CIB4: variants seen among roughly 807,000 people sequenced by gnomAD.
The protein encoded by CIB4 is calcium and integrin binding family member 4.
A neutral mutation model predicts 25.8 loss-of-function variants in CIB4; 25 were observed. The observed-to-expected ratio is 0.97, with a 90% CI of 0.71 to 1.35. The LOEUF is 1.35. CIB4 is among the 40% of genes most tolerant of loss of function. The pLI, the probability that CIB4 is intolerant of heterozygous loss-of-function variation, is 0.00. For missense variants in CIB4, 235 were observed against 228.2 expected (o/e 1.03, Z -0.19); for synonymous variants, 75 against 81.4 (o/e 0.92, Z 0.42).
At chr2:26,624,863 A>G (rs1669270320) in intron 3 of CIB4, among the ~76,000 whole-genome samples, 1 of 151,682 alleles carries the variant, frequency 6.6e-6, no homozygotes, top group Non-Finnish European at 1.5e-5. Flanking sequence ...TATTTTTTTT[A>G]TATAGGCATT....
chr2:26,636,562 T>C (rs2148228450), intron 2 of CIB4, among the ~76,000 whole-genome samples: 1 of 152,278 alleles, frequency 6.6e-6, no homozygotes, highest in Middle Eastern at 3.4e-3. Context: ...CTATCTTCCT[T>C]GTAATTCGTT....
intron 2 of CIB4, among the ~76,000 whole-genome samples, chr2:26,633,674 C>T (rs1043661820): frequency 1.3e-5 from 2 of 152,208 alleles, no homozygotes; most frequent in African/African-American, 4.8e-5. Context: ...AAATGGAACC[C>T]TGAATTAATC....
At chr2:26,620,345 A>G (rs1669181932) in intron 3 of CIB4, among the ~76,000 whole-genome samples, 1 of 152,240 alleles carries the variant, frequency 6.6e-6, no homozygotes, top group Admixed American at 6.5e-5. Flanking sequence ...GCAAGTGTTT[A>G]AAGCAGTTGG....
At chr2:26,611,122 C>G (rs182089104) in intron 3 of CIB4, among the ~76,000 whole-genome samples, 1 of 152,326 alleles carries the variant, frequency 6.6e-6, no homozygotes, top group East Asian at 1.9e-4. Context: ...GTGATGAGAA[C>G]TTCTGCATCT....
chr2:26,597,763 C>T (rs747271551), intron 3 of CIB4, among the ~76,000 whole-genome samples: 15 of 151,308 alleles, frequency 9.9e-5, no homozygotes, highest in African/African-American at 2.9e-4. Context: ...CATATTATTG[C>T]GGGGGATTTG....
At chr2:26,632,268 G>C (rs570723888) in intron 2 of CIB4, among the ~76,000 whole-genome samples, 1 of 152,166 alleles carries the variant, frequency 6.6e-6, no homozygotes, top group Admixed American at 6.5e-5. Context: ...CATGACTGCC[G>C]CCTTGGCCAC....
At chr2:26,601,258 A>G (rs1668784347) in intron 3 of CIB4, among the ~76,000 whole-genome samples, 2 of 129,892 alleles carry the variant, frequency 1.5e-5, no homozygotes, top group African/African-American at 2.8e-5. Context: ...ATATATATAT[A>G]TATATATATA....
intron 4 of CIB4, among the ~76,000 whole-genome samples, chr2:26,593,988 A>G (rs572559521): frequency 3.9e-5 from 6 of 152,308 alleles, no homozygotes; most frequent in Admixed American, 2.6e-4. Flanking sequence ...AGTCAGAAAG[A>G]ATCCAGTGTT....
chr2:26,606,969 T>A (rs1163009375), intron 3 of CIB4, among the ~76,000 whole-genome samples: 4 of 152,166 alleles, frequency 2.6e-5, no homozygotes, highest in African/African-American at 4.8e-5. Context: ...TAAACAGCCA[T>A]GGGATCATGT....
At chr2:26,602,225 G>C (rs1269782582) in intron 3 of CIB4, among the ~76,000 whole-genome samples, 1 of 152,208 alleles carries the variant, frequency 6.6e-6, no homozygotes, top group African/African-American at 2.4e-5. Flanking sequence ...CTTCCTGAAA[G>C]GAGTGGAAGA....
intron 3 of CIB4, among the ~76,000 whole-genome samples, chr2:26,622,566 A>G (rs1669226516): frequency 6.6e-6 from 1 of 152,126 alleles, no homozygotes; most frequent in South Asian, 2.1e-4. Flanking sequence ...CTTTAAAGAC[A>G]TGGAGGCAAA....
At chr2:26,631,202 C>T (rs973869496) in intron 2 of CIB4, among the ~76,000 whole-genome samples, 5 of 152,132 alleles carry the variant, frequency 3.3e-5, no homozygotes, top group African/African-American at 7.2e-5. Flanking sequence ...AGACCGGGTG[C>T]GGCGGCTCAT....
chr2:26,608,375 CTG>C (rs1668933461), intron 3 of CIB4, among the ~76,000 whole-genome samples: 1 of 152,164 alleles, frequency 6.6e-6, no homozygotes, highest in Non-Finnish European at 1.5e-5. Context: ...AACACATTGG[CTG>C]TGTGTCTGAG....
At chr2:26,626,004 AT>A (rs1204800650) in intron 3 of CIB4, among the ~76,000 whole-genome samples, 62 of 152,190 alleles carry the variant, frequency 4.1e-4, no homozygotes, top group African/African-American at 1.5e-3. Context: ...TTCTTTCCCC[AT>A]TGCTCATTTT....
At chr2:26,581,946 G>T (rs1268689778) in intron 6 of CIB4, among the ~76,000 whole-genome samples, 1 of 152,236 alleles carries the variant, frequency 6.6e-6, no homozygotes, top group African/African-American at 2.4e-5. Context: ...GACCAAGGAG[G>T]TATAAACTTG....
At chr2:26,623,401 C>T in intron 3 of CIB4, 1 of 364,028 alleles carries the variant, frequency 2.7e-6, no homozygotes, top group Non-Finnish European at 5.9e-6. Context: ...ACTACCATTC[C>T]CACCCCACCT....
At chr2:26,595,720 C>T (rs748776529) in intron 3 of CIB4, among the ~76,000 whole-genome samples, 83 of 152,242 alleles carry the variant, frequency 5.5e-4, no homozygotes, top group Admixed American at 1.1e-3. Flanking sequence ...TGTGCTCAGG[C>T]GGGTGCAAGG....
At chr2:26,623,239 A>G (rs1025144097) in intron 3 of CIB4, among the ~76,000 whole-genome samples, 7 of 151,910 alleles carry the variant, frequency 4.6e-5, no homozygotes, top group Admixed American at 4.6e-4. Context: ...GCTACTCGGG[A>G]GGCTGAGGCA....
intron 3 of CIB4, among the ~76,000 whole-genome samples, chr2:26,597,417 G>T (rs535500600): frequency 6.9e-6 from 1 of 144,588 alleles, no homozygotes; most frequent in East Asian, 2.0e-4. Flanking sequence ...GATCAGTTAC[G>T]ACAGCTATTA....
Sources: gnomAD v4.1 joint callset for allele counts (sites outside exome capture counted in the v4.1 genomes callset) on GRCh38, gnomAD v4.1.1 for gene constraint, MANE v1.5 for transcripts, NCBI Gene and HGNC (gene_info 2026-07-23, HGNC 2026-07-21) for gene names.